Variants in FKBP5 observed in about 807,000 individuals in gnomAD.
The protein encoded by FKBP5 is peptidyl-prolyl cis-trans isomerase FKBP5.
In FKBP5, 23 loss-of-function variants were observed where a neutral mutation model predicts 50.5. The observed-to-expected ratio is 0.46, with a 90% confidence interval of 0.33 to 0.65. The LOEUF (loss-of-function observed/expected upper bound fraction) is 0.65. Ranked by LOEUF, FKBP5 falls within the 30% of genes least tolerant of loss-of-function variation. The pLI is 0.02. For synonymous variants in FKBP5, 176 were observed against 190.6 expected, an observed-to-expected ratio of 0.92 and a Z score of 0.63; for missense variants, 411 against 553.1, an observed-to-expected ratio of 0.74 and a Z score of 2.58.
chr6:35,647,089 T>C (rs1016369383), intron 1 of FKBP5, among the ~76,000 whole-genome samples: 2 of 152,230 alleles, frequency 1.3e-5, no homozygotes, highest in Non-Finnish European at 2.9e-5. Context: ...ATTTCTTTGG[T>C]AAACTTATTT....
At chr6:35,636,631 G>A (rs139855003) in intron 3 of FKBP5, among the ~76,000 whole-genome samples, 52 of 152,216 alleles carry the variant, frequency 3.4e-4, no homozygotes, top group East Asian at 7.7e-4. Context: ...ACATTTTTAC[G>A]TGAAACTAGC....
intron 1 of FKBP5, among the ~76,000 whole-genome samples, chr6:35,654,584 T>C (rs914847011): frequency 6.6e-6 from 1 of 152,196 alleles, no homozygotes; most frequent in African/African-American, 2.4e-5. Flanking sequence ...AATCCTTCTC[T>C]GGCACTTTCT....
intron 2 of FKBP5, among the ~76,000 whole-genome samples, chr6:35,700,456 C>T (rs914390357): frequency 6.6e-6 from 1 of 152,156 alleles, no homozygotes. Flanking sequence ...TATGAATACC[C>T]GTAGCCATGG....
chr6:35,599,077 A>G lies in FKBP5; in HGVS notation c.509-1673T>C, dbSNP rs549566875. ...CTATATTCAAATCTAGAGATTTCCT[A>G]AAATGCTTCTTTTCTAACACTGGCT... On this transcript the variant is annotated intron_variant, in intron 5 of 10. Transcript: ENST00000357266. Among the ~76,000 whole-genome samples the G allele has an allele frequency of 1.0e-3, 147 of 146,104 alleles. 1 individual carries two copies. The highest frequency in any genetic ancestry group is 3.6e-3 in the African/African-American group (142 of 39,146).
chr6:35,637,310 A>ATAAC, intron 2 of FKBP5, 152 bp from the exon 3 acceptor site: 1 of 679,038 alleles, frequency 1.5e-6, no homozygotes, highest in Admixed American at 3.3e-5. Flanking sequence ...ATTCCTCACA[A>ATAAC]TAACTCATTG....
chr6:35,579,976 CAG>C lies in FKBP5; in HGVS notation c.1026+58_1026+59del, dbSNP rs1463736853. 5.5e-6 allele frequency: 7 copies of C among 1,274,028 alleles called. No individual in the cohort carries two copies. In the East Asian group the frequency reaches 1.5e-4, roughly 28 times the overall value. 78.9% of individuals were successfully genotyped at this position (1,274,028 alleles called of 1,614,324 possible). ...CCTTTGGCTGAGAGGAAGCAAAAGA[CAG>C]AGATGGAGAAAAGATCTGGAGTATC... is the stretch of plus-strand genomic sequence containing the variant. On this transcript the variant is annotated intron_variant, in intron 9 of 10. Transcript: ENST00000357266.
intron 2 of FKBP5, among the ~76,000 whole-genome samples, chr6:35,705,911 A>C (rs898963860): frequency 3.3e-5 from 5 of 152,168 alleles, no homozygotes; most frequent in African/African-American, 1.2e-4. Context: ...GGAGTTAGAG[A>C]CCAGCCTTGC....
At chr6:35,707,278 G>A (rs1471213025) in intron 2 of FKBP5, among the ~76,000 whole-genome samples, 3 of 142,544 alleles carry the variant, frequency 2.1e-5, no homozygotes, top group Admixed American at 7.3e-5. Context: ...GTGCAATGAC[G>A]TGATCTCGGC....
chr6:35,687,334 C>A (rs1765856125), intron 1 of FKBP5, among the ~76,000 whole-genome samples: 1 of 152,106 alleles, frequency 6.6e-6, no homozygotes, highest in South Asian at 2.1e-4. Context: ...AGGCAGAGGT[C>A]AGCTGGGGGA....
chr6:35,589,620 C>T (rs1334434963), intron 7 of FKBP5, among the ~76,000 whole-genome samples: 2 of 152,040 alleles, frequency 1.3e-5, no homozygotes, highest in Non-Finnish European at 2.9e-5. Context: ...CACTGGGCCA[C>T]GAGAAGGAAG....
At chr6:35,637,927 G>T (rs1027869574) in intron 2 of FKBP5, among the ~76,000 whole-genome samples, 35 of 152,090 alleles carry the variant, frequency 2.3e-4, no homozygotes, top group Non-Finnish European at 4.4e-5. Context: ...ACTAGATTCT[G>T]CTTGTTTATT....
At chr6:35,721,258 A>G (rs1385340244) in intron 1 of FKBP5, among the ~76,000 whole-genome samples, 1 of 152,050 alleles carries the variant, frequency 6.6e-6, no homozygotes, top group Non-Finnish European at 1.5e-5. Flanking sequence ...AGGCCGAGGC[A>G]GGAAAATTGC....
chr6:35,649,802 T>C (rs1193580019), intron 1 of FKBP5, among the ~76,000 whole-genome samples: 1 of 152,188 alleles, frequency 6.6e-6, no homozygotes, highest in Non-Finnish European at 1.5e-5. Context: ...AAGAATAGCA[T>C]GGATCAGTTC....
At chr6:35,672,421 TAAAG>T (rs1391554059) in intron 1 of FKBP5, among the ~76,000 whole-genome samples, 1 of 150,682 alleles carries the variant, frequency 6.6e-6, no homozygotes, top group East Asian at 1.9e-4. Context: ...TTAAAAATAA[TAAAG>T]AAAAATTAAT....
chr6:35,689,441 A>G (rs574298519), upstream of FKBP5, among the ~76,000 whole-genome samples: 8 of 152,174 alleles, frequency 5.3e-5, no homozygotes, highest in South Asian at 1.7e-3. Context: ...CCAATTTAGC[A>G]GATATCACCT....
intron 3 of FKBP5, among the ~76,000 whole-genome samples, chr6:35,628,905 C>G (rs1764073741): frequency 6.6e-6 from 1 of 152,094 alleles, no homozygotes; most frequent in African/African-American, 2.4e-5. Context: ...GTAGTAGAGA[C>G]AGGGTTTCAC....
intron 7 of FKBP5, among the ~76,000 whole-genome samples, chr6:35,589,092 T>TTATATATATATATTTTTATATATA (rs1762714533): frequency 2.4e-4 from 33 of 135,960 alleles, no homozygotes; most frequent in African/African-American, 6.9e-4. Context: ...ATATATATTT[T>TTATATATATATATTTTTATATATA]TATATATATA....
chr6:35,703,116 G>A (rs1030705608), intron 2 of FKBP5, among the ~76,000 whole-genome samples: 1 of 152,016 alleles, frequency 6.6e-6, no homozygotes, highest in Admixed American at 6.6e-5. Flanking sequence ...TGGGTGTGAT[G>A]GCAGGCACCT....
chr6:35,719,230 T>C (rs577760739), intron 2 of FKBP5, among the ~76,000 whole-genome samples: 110 of 152,338 alleles, frequency 7.2e-4, no homozygotes, highest in African/African-American at 2.5e-3. Context: ...CATTTCCCTC[T>C]TCTATGACAG....
Sources: allele counts gnomAD v4.1 joint callset (sites outside exome capture counted in the v4.1 genomes callset), GRCh38; gene constraint gnomAD v4.1.1; transcripts MANE v1.5; gene names NCBI Gene and HGNC (gene_info 2026-07-23, HGNC 2026-07-21).